CACNA2D1: variants seen among roughly 807,000 people sequenced by gnomAD.
CACNA2D1 encodes calcium voltage-gated channel auxiliary subunit alpha2delta 1.
In CACNA2D1, 53 loss-of-function variants were observed where a neutral mutation model predicts 171.5. That is an observed-to-expected ratio of 0.31 (90% CI 0.25 to 0.39). The LOEUF is 0.39. CACNA2D1 is among the 10% of genes least tolerant of loss of function. The pLI is 1.00. For synonymous variants in CACNA2D1, 442 were observed against 443.1 expected, an observed-to-expected ratio of 1.00 and a Z score of 0.03; for missense variants, 903 against 1,299.8, an observed-to-expected ratio of 0.69 and a Z score of 4.69.
chr7:82,214,377 C>G (rs1386352724), intron 3 of CACNA2D1, among the ~76,000 whole-genome samples: 1 of 151,762 alleles, frequency 6.6e-6, no homozygotes, highest in Admixed American at 6.6e-5. Context: ...TGTATTGTAC[C>G]CTCTCATTAA....
chr7:82,291,340 C>T (rs1219339871), intron 3 of CACNA2D1, among the ~76,000 whole-genome samples: 1 of 132,464 alleles, frequency 7.5e-6, no homozygotes, highest in African/African-American at 2.9e-5. Flanking sequence ...ATATAGATAT[C>T]TTTATACATC....
At chr7:82,251,138 T>C (rs1389134689) in intron 3 of CACNA2D1, among the ~76,000 whole-genome samples, 1 of 152,152 alleles carries the variant, frequency 6.6e-6, no homozygotes, top group Non-Finnish European at 1.5e-5. Context: ...CTCCCATCTC[T>C]CAACGCCATG....
chr7:82,148,552 T>C (rs1476528301), intron 4 of CACNA2D1, among the ~76,000 whole-genome samples: 1 of 152,196 alleles, frequency 6.6e-6, no homozygotes, highest in African/African-American at 2.4e-5. Context: ...TTTTCATTAT[T>C]AAGTAAAATA....
intron 7 of CACNA2D1, among the ~76,000 whole-genome samples, chr7:82,079,871 AATG>A (rs898824126): frequency 6.6e-6 from 1 of 152,056 alleles, no homozygotes; most frequent in Non-Finnish European, 1.5e-5. Flanking sequence ...GACTTTAGTT[AATG>A]ATGATATATA....
intron 21 of CACNA2D1, among the ~76,000 whole-genome samples, chr7:81,987,495 A>G (rs1797091815): frequency 6.6e-6 from 1 of 152,210 alleles, no homozygotes; most frequent in Non-Finnish European, 1.5e-5. Context: ...ATTCTCTAAA[A>G]AAAGAGAAAG....
At chr7:82,180,661 G>A (rs901456115) in intron 3 of CACNA2D1, among the ~76,000 whole-genome samples, 14 of 152,152 alleles carry the variant, frequency 9.2e-5, no homozygotes, top group African/African-American at 3.4e-4. Flanking sequence ...GTTGTGAGGA[G>A]GAATTAGTCC....
intron 2 of CACNA2D1, among the ~76,000 whole-genome samples, chr7:82,347,658 T>C (rs1819395543): frequency 6.6e-6 from 1 of 152,136 alleles, no homozygotes; most frequent in Admixed American, 6.5e-5. Context: ...TTGTGTGCCC[T>C]AGTACTTAAA....
chr7:81,962,339 C>T, intron 35 of CACNA2D1, 101 bp downstream of exon 35: 1 of 893,468 alleles, frequency 1.1e-6, no homozygotes, highest in Non-Finnish European at 1.8e-6. Context: ...GACCTGTTTT[C>T]TCTTTCACAC....
chr7:82,145,405 CATATT>C (rs1792889826), intron 4 of CACNA2D1, among the ~76,000 whole-genome samples: 1 of 139,186 alleles, frequency 7.2e-6, no homozygotes, highest in African/African-American at 2.6e-5. Context: ...ATATATATTG[CATATT>C]ATATATTATG....
Position 81,997,266 on chromosome 7 carries a change from T to G in CACNA2D1, c.1591-16A>C, listed in dbSNP as rs766072516. 2 of 1,496,356 alleles carry G rather than the reference T, an allele frequency of 1.3e-6. No individual in the cohort carries two copies. The allele number at this position is 1,496,356 out of a possible 1,614,324, so 92.7% of individuals were successfully genotyped here. ...ATTTGGGGTTCTACACAGAAAACAA[T>G]AATAATTAGGTACATGTAACATTAT... is the stretch of plus-strand genomic sequence containing the variant. On this transcript the variant is annotated splice_polypyrimidine_tract_variant and intron_variant, in intron 18 of 38. Coordinates refer to ENST00000356860, the MANE Select transcript of CACNA2D1 (RefSeq NM_000722.4).
chr7:82,291,399 C>T (rs1265173819), intron 3 of CACNA2D1, among the ~76,000 whole-genome samples: 1 of 131,350 alleles, frequency 7.6e-6, no homozygotes, highest in African/African-American at 2.8e-5. Context: ...TCTACATCTA[C>T]ACTAGATATA....
intron 3 of CACNA2D1, among the ~76,000 whole-genome samples, chr7:82,315,150 A>C (rs1054360609): frequency 1.5e-4 from 23 of 152,060 alleles, no homozygotes; most frequent in South Asian, 2.1e-4. Flanking sequence ...ACAACAACAA[A>C]AAAAAGGAAA....
chr7:82,106,574 A>G (rs1787789576), intron 6 of CACNA2D1, among the ~76,000 whole-genome samples: 1 of 152,092 alleles, frequency 6.6e-6, no homozygotes, highest in African/African-American at 2.4e-5. Context: ...CTAAACAGTA[A>G]GAAAAAATAA....
chr7:82,443,039 T>A (rs1167889509), intron 1 of CACNA2D1, among the ~76,000 whole-genome samples: 1 of 152,202 alleles, frequency 6.6e-6, no homozygotes, highest in Admixed American at 6.5e-5. Context: ...TGGAAACTTT[T>A]TTCCCCAGTA....
chr7:82,138,508 G>A (rs1287452047), intron 4 of CACNA2D1, among the ~76,000 whole-genome samples: 2 of 145,306 alleles, frequency 1.4e-5, no homozygotes, highest in African/African-American at 2.5e-5. Context: ...GTGCAGTGGC[G>A]CGATCTCGGC....
At chr7:82,292,585 G>T (rs1313897759) in intron 3 of CACNA2D1, among the ~76,000 whole-genome samples, 1 of 152,052 alleles carries the variant, frequency 6.6e-6, no homozygotes, top group Non-Finnish European at 1.5e-5. Flanking sequence ...GAATTTTTAA[G>T]GTATTTCACA....
At chr7:82,205,552 T>TA (rs77732585) in intron 3 of CACNA2D1, among the ~76,000 whole-genome samples, 3 of 151,646 alleles carry the variant, frequency 2.0e-5, no homozygotes, top group Non-Finnish European at 4.4e-5. Context: ...ATTACCTTTT[T>TA]AAAAAAAAAT....
In CACNA2D1 at chr7:82,018,277, T is replaced by C. The variant is rs117758591; in HGVS notation, c.1144-3798A>G. On this transcript the variant is annotated intron_variant, in intron 12 of 38. Coordinates refer to ENST00000356860, the MANE Select transcript of CACNA2D1 (RefSeq NM_000722.4). The stretch of plus-strand genomic sequence containing the variant: ...ATACAATTTAGCTTCTATTGTAGTG[T>C]CTTACTCATAAATGAAAACAAATGT... Among the ~76,000 whole-genome samples, 380 of 152,300 alleles carry C rather than the reference T, an allele frequency of 2.5e-3. 2 individuals are homozygous for C. Among genetic ancestry groups the C allele is most frequent in the Non-Finnish European group, 4.7e-3 (317 of 68,016 alleles).
chr7:82,072,492 G>A (rs555020854), intron 7 of CACNA2D1, among the ~76,000 whole-genome samples: 2 of 151,780 alleles, frequency 1.3e-5, no homozygotes, highest in African/African-American at 2.4e-5. Context: ...CCAAATACAT[G>A]GTCCCAAGTA....
Sources: allele counts gnomAD v4.1 joint callset (sites outside exome capture counted in the v4.1 genomes callset), GRCh38; gene constraint gnomAD v4.1.1; transcripts MANE v1.5; gene names NCBI Gene and HGNC (gene_info 2026-07-23, HGNC 2026-07-21).